Variants in DROSHA observed in about 807,000 individuals in gnomAD.
The protein encoded by DROSHA is ribonuclease 3.
In DROSHA, 56 loss-of-function variants were observed where a neutral mutation model predicts 181.9. The observed-to-expected ratio is 0.31, with a 90% CI of 0.25 to 0.38. The LOEUF is 0.38. Among genes scored for constraint, DROSHA ranks in the 10% least tolerant of loss-of-function variants. The pLI, the probability that DROSHA is intolerant of heterozygous loss-of-function variation, is 1.00. For missense variants in DROSHA, 1,218 were observed against 1,743.5 expected, an observed-to-expected ratio of 0.70 and a Z score of 5.37; for synonymous variants, 524 against 591.2, an observed-to-expected ratio of 0.89 and a Z score of 1.65.
At chr5:31,488,342 G>A (rs1334588439) in intron 13 of DROSHA, among the ~76,000 whole-genome samples, 1 of 149,112 alleles carries the variant, frequency 6.7e-6, no homozygotes, top group African/African-American at 2.5e-5. Context: ...GAACCCGGGA[G>A]TTGGAGGTTG....
chr5:31,409,557 T>C lies in DROSHA; in HGVS notation c.3668-225A>G. The stretch of plus-strand genomic sequence containing the variant: ...CATAGAGTACAAACACCAAACTGCA[T>C]TTAGCTAAGGGCTAAAGGAATAGCT... On this transcript the variant is annotated intron_variant, in intron 31 of 35. Coordinates refer to ENST00000344624, the MANE Select transcript of DROSHA (RefSeq NM_001382508.1). The surrounding 1 kb of genome is among the most constrained non-coding windows in gnomAD (Gnocchi z 4.0). The C allele has an allele frequency of 1.9e-6, 1 of 521,092 alleles. No homozygotes were observed. The highest frequency in any genetic ancestry group is 3.5e-6 in the Non-Finnish European group (1 of 287,860). The allele number at this position is 521,092 out of a possible 1,614,324, so 32.3% of individuals were successfully genotyped here.
intron 20 of DROSHA, among the ~76,000 whole-genome samples, chr5:31,456,221 T>A (rs1199533340): frequency 6.6e-6 from 1 of 152,182 alleles, no homozygotes; most frequent in Non-Finnish European, 1.5e-5. Flanking sequence ...CTTGCAAATA[T>A]ATTTTTATTG....
chr5:31,522,383 G>T (rs913240415), intron 5 of DROSHA, among the ~76,000 whole-genome samples: 3 of 151,932 alleles, frequency 2.0e-5, no homozygotes, highest in African/African-American at 7.3e-5. Flanking sequence ...ATTTGTAATG[G>T]CACGGCTGTT....
At chr5:31,416,015 A>G (rs1741897101) in intron 30 of DROSHA, among the ~76,000 whole-genome samples, 2 of 152,236 alleles carry the variant, frequency 1.3e-5, no homozygotes, top group Non-Finnish European at 2.9e-5. Flanking sequence ...TGAATAGCCA[A>G]CTTACAGAAC....
chr5:31,417,245 G>A (rs1742053759), intron 30 of DROSHA, among the ~76,000 whole-genome samples: 1 of 152,220 alleles, frequency 6.6e-6, no homozygotes, highest in Non-Finnish European at 1.5e-5. Flanking sequence ...AAGGCCCTGA[G>A]GCAAGGGCTT....
At chr5:31,421,146 C>T (rs752784537) in intron 30 of DROSHA, 126 bp downstream of exon 30, 14 of 732,100 alleles carry the variant, frequency 1.9e-5, no homozygotes, top group Non-Finnish European at 2.7e-5. Flanking sequence ...ATGAAATGAA[C>T]AAAGCCAATG....
chr5:31,447,371 A>G (rs994865010), intron 23 of DROSHA, among the ~76,000 whole-genome samples: 3 of 152,212 alleles, frequency 2.0e-5, no homozygotes, highest in Non-Finnish European at 4.4e-5. Context: ...CACTTTAAAT[A>G]AACATTTTTT....
intron 6 of DROSHA, among the ~76,000 whole-genome samples, chr5:31,519,421 T>C (rs779301528): frequency 3.3e-5 from 5 of 152,152 alleles, no homozygotes; most frequent in Non-Finnish European, 5.9e-5. Context: ...AAGTGTCCTA[T>C]CAAACGCACT....
chr5:31,478,338 T>C (rs1750642188), intron 16 of DROSHA, among the ~76,000 whole-genome samples: 1 of 152,222 alleles, frequency 6.6e-6, no homozygotes, highest in Non-Finnish European at 1.5e-5. Flanking sequence ...CAAAATGTTT[T>C]ACGAAAGTTT....
rs1203903568 is a variant in DROSHA at position 31,511,094 on chromosome 5, T to C, written c.1373A>G (p.Lys458Arg). 1 of 1,613,920 alleles carries C rather than the reference T, an allele frequency of 6.2e-7. No homozygotes were observed. Among genetic ancestry groups the C allele is most frequent in the Non-Finnish European group, 8.5e-7 (1 of 1,179,870 alleles). Residue 458 changes from lysine (K) to arginine (R), a missense_variant, in exon 9 of 36, where the codon AAG (lysine) becomes AGG (arginine). Lys to Arg is a conservative substitution (Grantham distance 26). Coordinates refer to ENST00000344624, the MANE Select transcript of DROSHA (RefSeq NM_001382508.1). ...FEEELGSRQEKAKAARPPWEP... is the reference protein window; with the variant it reads ...FEEELGSRQERAKAARPPWEP... ...CCACGGAGGCCGAGCAGCTTTGGCC[T>C]TTTCTTGCCTGCTCCCCAACTCCTC...
chr5:31,511,288 C>G (rs1225022327), intron 8 of DROSHA, 112 bp from the exon 9 acceptor site: 1 of 1,065,230 alleles, frequency 9.4e-7, no homozygotes, highest in Non-Finnish European at 1.3e-6. Flanking sequence ...TGCTATTTTT[C>G]AACCCTAAAT....
At chr5:31,432,707 T>C (rs1298210322) in intron 25 of DROSHA, among the ~76,000 whole-genome samples, 1 of 152,170 alleles carries the variant, frequency 6.6e-6, no homozygotes, top group East Asian at 1.9e-4. Flanking sequence ...GAGCCAAATT[T>C]GTAGCCCAGT....
At chr5:31,454,364 C>T (rs1046816842) in intron 20 of DROSHA, among the ~76,000 whole-genome samples, 3 of 152,024 alleles carry the variant, frequency 2.0e-5, no homozygotes, top group African/African-American at 4.8e-5. Context: ...GAGAGGGAAA[C>T]GAAAGGCAAA....
chr5:31,511,007 C>G (rs1222659971), intron 9 of DROSHA, 28 bp downstream of exon 9: 1 of 1,612,994 alleles, frequency 6.2e-7, no homozygotes, highest in Admixed American at 1.7e-5. Context: ...TCGCAAGGGT[C>G]TCAGGCTAGT....
At chr5:31,503,043 G>A (rs1479780970) in intron 11 of DROSHA, among the ~76,000 whole-genome samples, 3 of 151,912 alleles carry the variant, frequency 2.0e-5, no homozygotes, top group African/African-American at 7.3e-5. Context: ...AAATGGAAGG[G>A]AGCATGACGA....
chr5:31,482,664 A>G (rs2150035768), intron 16 of DROSHA, among the ~76,000 whole-genome samples: 1 of 152,266 alleles, frequency 6.6e-6, no homozygotes, highest in South Asian at 2.1e-4. Flanking sequence ...CCTTGTGGAG[A>G]GAGGAAACTG....
chr5:31,520,789 CTCTT>C (rs1739807336), intron 6 of DROSHA, among the ~76,000 whole-genome samples: 1 of 151,944 alleles, frequency 6.6e-6, no homozygotes, highest in Non-Finnish European at 1.5e-5. Flanking sequence ...TGCAGTTTTG[CTCTT>C]TTTTTCTGAA....
chr5:31,508,600 C>A (rs542374250), intron 10 of DROSHA, 21 bp downstream of exon 10: 2 of 1,613,808 alleles, frequency 1.2e-6, no homozygotes, highest in South Asian at 2.2e-5. Flanking sequence ...ACCTTCACAG[C>A]AAGGGCATAA....
intron 6 of DROSHA, 120 bp downstream of exon 6, chr5:31,521,003 G>A: frequency 2.3e-6 from 2 of 858,728 alleles, no homozygotes; most frequent in Non-Finnish European, 3.6e-6. Context: ...GCTTTTCACA[G>A]GTCATCTTGG....
Sources: gnomAD v4.1 joint callset for allele counts (sites outside exome capture counted in the v4.1 genomes callset) on GRCh38, gnomAD v4.1.1 for gene constraint, Gnocchi (gnomAD v3.1) non-coding constraint, MANE v1.5 for transcripts, NCBI Gene and HGNC (gene_info 2026-07-23, HGNC 2026-07-21) for gene names.